The following DNAH7 variants were observed in gnomAD, a reference collection of about 807,000 sequenced individuals.
The protein encoded by DNAH7 is dynein axonemal heavy chain 7.
Under a neutral mutation model 444.6 loss-of-function variants are expected in DNAH7, and 397 were observed. That is an observed-to-expected ratio of 0.89 (90% confidence interval 0.82 to 0.97). The LOEUF (loss-of-function observed/expected upper bound fraction) is 0.97, where lower values mean the gene tolerates loss of function less well. Ranked by LOEUF, DNAH7 falls within the 50% of genes least tolerant of loss-of-function variation. The pLI is 0.00. For synonymous variants in DNAH7, 1,636 were observed against 1,624.4 expected, an observed-to-expected ratio of 1.01 and a Z score of -0.17; for missense variants, 4,902 against 4,800.8, an observed-to-expected ratio of 1.02 and a Z score of -0.62.
intron 57 of DNAH7, 92 bp downstream of exon 57, chr2:195,794,246 T>A: frequency 8.2e-7 from 1 of 1,225,478 alleles, no homozygotes; most frequent in Non-Finnish European, 1.2e-6. Context: ...CTATTTAATT[T>A]TTAGTTTTAC....
intron 61 of DNAH7, among the ~76,000 whole-genome samples, chr2:195,760,053 T>C (rs1278701609): frequency 6.6e-6 from 1 of 152,188 alleles, no homozygotes; most frequent in African/African-American, 2.4e-5. Context: ...AGACTAACTT[T>C]GGCAACATTC....
rs1314428722 is a variant in DNAH7 at position 195,888,275 on chromosome 2, T to G, written c.5389A>C (p.Ile1797Leu). 1 of 1,609,680 alleles carries G rather than the reference T, an allele frequency of 6.2e-7. No homozygotes were observed. The highest frequency in any genetic ancestry group is 1.1e-5 in the South Asian group (1 of 89,762). The change falls in exon 33 of 65, where the codon ATT becomes CTT. Residue 1797 changes from isoleucine to leucine, a missense_variant. Physicochemically the swap from Ile to Leu is conservative, Grantham distance 5 (BLOSUM62 2). Coordinates refer to ENST00000312428, the MANE Select transcript of DNAH7 (RefSeq NM_018897.3). ...DRMVPVSVEF[I>L]RKHTKELSPT... ...TCCCTTACCTTTGTATGCTTTCTAA[T>G]AAATTCAACCGAAACAGGGACCATT...
At chr2:195,889,962 G>A (rs1433624643) in intron 31 of DNAH7, among the ~76,000 whole-genome samples, 3 of 152,218 alleles carry the variant, frequency 2.0e-5, no homozygotes, top group Admixed American at 2.0e-4. Context: ...CAACAGATAT[G>A]AAACAGTAGC....
chr2:195,809,813 G>A lies in DNAH7; in HGVS notation c.9820C>T (p.Leu3274Phe), dbSNP rs1266599938. Residue 3274 changes from leucine (L) to phenylalanine (F), a missense_variant, in exon 52 of 65, where the codon CTC (leucine) becomes TTC (phenylalanine). Transcript: ENST00000312428. ...YSLYVNVCRS[L>F]FEKDKLLFSF... ...AAGAGCAGCTTATCCTTTTCAAAGA[G>A]TGACCGGCAGACATTAACATACAGT... 2 of 1,599,264 alleles carry A rather than the reference G, an allele frequency of 1.3e-6. No homozygotes were observed. Among genetic ancestry groups the A allele is most frequent in the Non-Finnish European group, 1.7e-6 (2 of 1,172,120 alleles).
At chr2:195,842,759 G>A (rs912932681) in intron 47 of DNAH7, among the ~76,000 whole-genome samples, 1 of 151,992 alleles carries the variant, frequency 6.6e-6, no homozygotes, top group South Asian at 2.1e-4. Flanking sequence ...ATCACTGAAT[G>A]GTTTAGAATC....
intron 64 of DNAH7, among the ~76,000 whole-genome samples, chr2:195,738,412 T>TAA (rs10657533): frequency 0.28 from 42,396 of 150,234 alleles, 6,074 homozygotes; most frequent in Middle Eastern, 0.43. Context: ...CTTACAATGA[T>TAA]AAAAAAAAAA....
At chr2:196,029,027 A>G (rs994940451) in intron 5 of DNAH7, among the ~76,000 whole-genome samples, 1 of 152,258 alleles carries the variant, frequency 6.6e-6, no homozygotes, top group Non-Finnish European at 1.5e-5. Flanking sequence ...ATAGATAGCT[A>G]GTGATCAATA....
Position 195,957,393 on chromosome 2 carries a change from T to A in DNAH7, c.2946A>T (p.Lys982Asn). 6.3e-7 allele frequency: 1 copy of A among 1,599,570 alleles called. No homozygotes were observed. The highest frequency in any genetic ancestry group is 8.5e-7 in the Non-Finnish European group (1 of 1,169,630). ...LLQEILDEWL[K>N]VQATWLYLEP... ...CCAGATACAGCCACGTGGCTTGGACTTTGAGCCATTCATCCAGAATCTCCT... is the reference window on the plus strand; with the variant it reads ...CCAGATACAGCCACGTGGCTTGGACATTGAGCCATTCATCCAGAATCTCCT... The change falls in exon 19 of 65, where the codon AAA becomes AAT. Residue 982 changes from lysine to asparagine, a missense_variant. Physicochemically the swap from Lys to Asn is moderately conservative, Grantham distance 94 (BLOSUM62 0). Coordinates refer to ENST00000312428, the MANE Select transcript of DNAH7 (RefSeq NM_018897.3).
chr2:195,748,391 G>A (rs375550055), intron 63 of DNAH7, among the ~76,000 whole-genome samples: 11 of 152,268 alleles, frequency 7.2e-5, no homozygotes, highest in South Asian at 2.1e-4. Flanking sequence ...AATCAATATC[G>A]TGAAAATGGC....
chr2:196,051,388 T>A, intron 2 of DNAH7, 139 bp from the exon 3 acceptor site: 3 of 694,552 alleles, frequency 4.3e-6, no homozygotes, highest in Non-Finnish European at 7.6e-6. Flanking sequence ...TACTGCTTTT[T>A]AAATTCTCAG....
chr2:195,864,575 A>G lies in DNAH7; in HGVS notation c.7080T>C (p.Tyr2360=), dbSNP rs774895771. ...TAGAGATTTCAACTTGGAAAACTGA[A>G]TAATCAGCCATGTGGGCAGCTAATC... The part of the protein sequence containing the change: ...VTRLAAHMAD[Y]SVFQVEISKG... The change falls in exon 41 of 65, where the codon TAT becomes TAC. Residue 2360 remains tyrosine (Y), a synonymous_variant. Transcript: ENST00000312428. The G allele has an allele frequency of 1.1e-5, 17 of 1,614,074 alleles. No individual in the cohort carries two copies. In the South Asian group the frequency reaches 1.8e-4, roughly 17 times the overall value.
At chr2:195,889,283 C>T (rs1701880695) in intron 31 of DNAH7, among the ~76,000 whole-genome samples, 1 of 151,510 alleles carries the variant, frequency 6.6e-6, no homozygotes, top group African/African-American at 2.4e-5. Context: ...CCCTCCCTCC[C>T]TTCCTTCCAT....
At position 195,738,055 on chromosome 2, in the gene DNAH7, T is replaced by TTGTC; in HGVS notation, c.11937_11940dup (p.Ser3981AspfsTer3). 3 of 1,614,056 alleles carry TTGTC rather than the reference T, an allele frequency of 1.9e-6. No individual in the cohort carries two copies. Among genetic ancestry groups the TTGTC allele is most frequent in the East Asian group, 4.5e-5 (2 of 44,880 alleles). On this transcript the variant is annotated frameshift_variant, in exon 65 of 65. Coordinates refer to ENST00000312428, the MANE Select transcript of DNAH7 (RefSeq NM_018897.3). LOFTEE classifies it high-confidence loss of function. ...GTGGATAATACTCCTCTCCGCTCAC[T>TTGTC]TGTCTTATACAATGGAGCAACATAA... is the stretch of plus-strand genomic sequence containing the variant.
At chr2:195,879,532 G>T (rs560644975) in intron 36 of DNAH7, among the ~76,000 whole-genome samples, 3 of 152,140 alleles carry the variant, frequency 2.0e-5, no homozygotes, top group Admixed American at 1.3e-4. Flanking sequence ...GTTTTCATAA[G>T]CTATCGTCAG....
intron 39 of DNAH7, 103 bp from the exon 40 acceptor site, chr2:195,872,572 TTAAATCAATTTCATTTA>T: frequency 5.0e-6 from 3 of 605,212 alleles, no homozygotes; most frequent in Non-Finnish European, 8.0e-6. Flanking sequence ...TTAATTTTGA[TTAAATCAATTTCATTTA>T]TAAAATTACC....
At position 195,987,961 on chromosome 2, in the gene DNAH7, A is replaced by G. The variant is rs1017257650; in HGVS notation, c.1622T>C (p.Ile541Thr). The G allele has an allele frequency of 1.3e-6, 2 of 1,598,616 alleles. No homozygotes were observed. The highest frequency in any genetic ancestry group is 1.7e-6 in the Non-Finnish European group (2 of 1,171,332). The change falls in exon 13 of 65, where the codon ATA becomes ACA. Residue 541 changes from isoleucine (I) to threonine (T), a missense_variant. Physicochemically the swap from Ile to Thr is moderately conservative, Grantham distance 89. Transcript: ENST00000312428. ...CACAAAACTGGAGTCATTTACCTTTATGGATGTGTACTGTATTTCCTCTAT... is the reference window on the plus strand; with the variant it reads ...CACAAAACTGGAGTCATTTACCTTTGTGGATGTGTACTGTATTTCCTCTAT... ...KLIEEIQYTS[I>T]KTIRLGMFEM... is the part of the protein sequence containing the mutation.
At position 196,045,883 on chromosome 2, in the gene DNAH7, T is replaced by C. The variant is rs527513729; in HGVS notation, c.398+1469A>G. ...TGATAAATAGGAAACATAAAATACA[T>C]TGGTAGAAGTCCACATATATGAGAA... On this transcript the variant is annotated intron_variant, in intron 5 of 64. Transcript: ENST00000312428. Among the ~76,000 whole-genome samples the C allele has an allele frequency of 7.8e-4, 118 of 152,118 alleles. 1 individual carries two copies. Among genetic ancestry groups the C allele is most frequent in the Non-Finnish European group, 1.3e-3 (87 of 67,968 alleles).
chr2:195,993,859 T>C (rs1023913489), intron 12 of DNAH7, among the ~76,000 whole-genome samples: 1 of 152,316 alleles, frequency 6.6e-6, no homozygotes, highest in African/African-American at 2.4e-5. Context: ...AGGAAGATCA[T>C]TGTTTACCAG....
At chr2:195,746,004 A>G (rs1436876515) in intron 63 of DNAH7, among the ~76,000 whole-genome samples, 1 of 152,224 alleles carries the variant, frequency 6.6e-6, no homozygotes, top group Non-Finnish European at 1.5e-5. Flanking sequence ...TAACAATATT[A>G]ACTTTAAATG....
Sources: allele counts gnomAD v4.1 joint callset (sites outside exome capture counted in the v4.1 genomes callset), GRCh38; gene constraint gnomAD v4.1.1; transcripts MANE v1.5; gene names NCBI Gene and HGNC (gene_info 2026-07-23, HGNC 2026-07-21).